Variants in BFSP1 observed in about 807,000 individuals in gnomAD.
The protein encoded by BFSP1 is beaded filament structural protein 1, also known as filensin.
In BFSP1, 38 loss-of-function variants were observed where a neutral mutation model predicts 43.9. The observed-to-expected ratio is 0.87, with a 90% CI of 0.67 to 1.14. The LOEUF (loss-of-function observed/expected upper bound fraction) is 1.14, where lower values mean the gene tolerates loss of function less well. BFSP1 is among the 50% of genes most tolerant of loss of function. The pLI is 0.00. For synonymous variants in BFSP1, 352 were observed against 354.8 expected (o/e 0.99, Z 0.09); for missense variants, 850 against 875.1 (o/e 0.97, Z 0.36).
In BFSP1 at chr20:17,530,986, T is replaced by G. The variant is rs1189777893; in HGVS notation, c.344A>C (p.Glu115Ala). ...GAACTCGTCGAGCGCGCGCTGCGCCTCGGTGCCCTGGCGCTCCAGCCGGGC... is the reference window on the plus strand; with the variant it reads ...GAACTCGTCGAGCGCGCGCTGCGCCGCGGTGCCCTGGCGCTCCAGCCGGGC... Reference protein sequence around the residue: ...ERARLERQGTEAQRALDEFRS... With the variant: ...ERARLERQGTAAQRALDEFRS... The change falls in exon 1 of 8, where the codon GAG becomes GCG. Residue 115 changes from glutamate (E) to alanine (A), a missense_variant. Transcript: ENST00000377873. 3.5e-6 allele frequency: 5 copies of G among 1,439,216 alleles called. No individual in the cohort carries two copies. Among genetic ancestry groups the G allele is most frequent in the Non-Finnish European group, 4.5e-6 (5 of 1,100,174 alleles). The allele number at this position is 1,439,216 out of a possible 1,614,324, so 89.2% of individuals were successfully genotyped here. A position where few individuals can be genotyped will look rare whatever the true frequency, so the allele number is the denominator to read the frequency against.
At position 17,493,984 on chromosome 20, in the gene BFSP1, C is replaced by T. The variant is rs1600623701; in HGVS notation, c.*90G>A. 2 of 1,246,230 alleles carry T rather than the reference C, an allele frequency of 1.6e-6. No individual in the cohort carries two copies. Among genetic ancestry groups the T allele is most frequent in the East Asian group, 4.7e-5 (2 of 42,814 alleles). 77.2% of individuals were successfully genotyped at this position (1,246,230 alleles called of 1,614,324 possible). ...AACTATGGTCTAATCCAAACAGGAA[C>T]CCTCACCCTTTTATCATTTGCTCTA... On this transcript the variant is annotated 3_prime_UTR_variant, in exon 8 of 8. Coordinates refer to ENST00000377873, the MANE Select transcript of BFSP1 (RefSeq NM_001195.5).
At chr20:17,495,873 C>T (rs2033619504) in intron 7 of BFSP1, among the ~76,000 whole-genome samples, 1 of 152,108 alleles carries the variant, frequency 6.6e-6, no homozygotes, top group African/African-American at 2.4e-5. Context: ...GATCAAGCAC[C>T]GGCATCAAGC....
intron 2 of BFSP1, among the ~76,000 whole-genome samples, chr20:17,524,480 G>C (rs974942826): frequency 3.9e-5 from 6 of 152,202 alleles, no homozygotes; most frequent in Non-Finnish European, 5.9e-5. Context: ...CAATAGGACA[G>C]AGGTATCACT....
intron 1 of BFSP1, among the ~76,000 whole-genome samples, chr20:17,552,802 T>C (rs971461752): frequency 7.9e-5 from 12 of 152,036 alleles, no homozygotes; most frequent in African/African-American, 2.9e-4. Context: ...GTGAAGCAGA[T>C]TTGGGGGAAA....
In BFSP1 at chr20:17,531,206, C is replaced by T. The variant is rs1237697875; in HGVS notation, c.124G>A (p.Ala42Thr). ...DEGWAGATSL[A>T]ALQGLGERVA... is the part of the protein sequence containing the mutation. ...CGCTCGCCGAGCCCCTGCAGCGCCGCCAGGCTCGTTGCCCCAGCCCAGCCC... is the reference window on the plus strand; with the variant it reads ...CGCTCGCCGAGCCCCTGCAGCGCCGTCAGGCTCGTTGCCCCAGCCCAGCCC... Residue 42 changes from alanine to threonine, a missense_variant, in exon 1 of 8, where the codon GCG (alanine) becomes ACG (threonine). Transcript: ENST00000377873. 7.6e-7 allele frequency: 1 copy of T among 1,319,670 alleles called. No homozygotes were observed. The highest frequency in any genetic ancestry group is 9.7e-7 in the Non-Finnish European group (1 of 1,035,664). The allele number at this position is 1,319,670 out of a possible 1,614,324, so 81.7% of individuals were successfully genotyped here.
At chr20:17,546,089 C>T (rs2034796535) in intron 1 of BFSP1, among the ~76,000 whole-genome samples, 1 of 152,164 alleles carries the variant, frequency 6.6e-6, no homozygotes, top group South Asian at 2.1e-4. Flanking sequence ...AGTCCATTTT[C>T]GCACTGCTAT....
chr20:17,530,959 C>T lies in BFSP1; in HGVS notation c.371G>A (p.Arg124Gln). Residue 124 changes from arginine (R) to glutamine (Q), a missense_variant, in exon 1 of 8, where the codon CGA becomes CAA. By Grantham distance (43) the Arg-to-Gln change is conservative. Coordinates refer to ENST00000377873, the MANE Select transcript of BFSP1 (RefSeq NM_001195.5). Reference sequence around the variant, plus strand: ...CCCGATGGCCGCCGCTTACTTGCTTCGGAACTCGTCGAGCGCGCGCTGCGC... The same window carrying T: ...CCCGATGGCCGCCGCTTACTTGCTTTGGAACTCGTCGAGCGCGCGCTGCGC... ...TEAQRALDEF[R>Q]SKYENECECQ... 7.0e-7 allele frequency: 1 copy of T among 1,434,980 alleles called. No homozygotes were observed. The highest frequency in any genetic ancestry group is 3.0e-5 in the East Asian group (1 of 32,826). The allele number at this position is 1,434,980 out of a possible 1,614,324, so 88.9% of individuals were successfully genotyped here.
At chr20:17,512,940 CCT>C (rs367775312) in intron 3 of BFSP1, among the ~76,000 whole-genome samples, 1 of 152,192 alleles carries the variant, frequency 6.6e-6, no homozygotes, top group African/African-American at 2.4e-5. Flanking sequence ...CGCCAGTGCC[CCT>C]GTCCCCAGCT....
At chr20:17,569,050 G>C (rs1030334487) in intron 1 of BFSP1, 1 of 152,162 alleles carries the variant, frequency 6.6e-6, no homozygotes, top group Non-Finnish European at 1.5e-5. Context: ...AGAACTGAGC[G>C]GCGGGGCTGG....
intron 4 of BFSP1, among the ~76,000 whole-genome samples, chr20:17,509,404 C>T (rs2034022920): frequency 6.6e-6 from 1 of 152,184 alleles, no homozygotes. Flanking sequence ...TGCCTGTCGG[C>T]CCTCCCATCT....
At chr20:17,538,591 T>C (rs775111390) in intron 1 of BFSP1, among the ~76,000 whole-genome samples, 3 of 152,192 alleles carry the variant, frequency 2.0e-5, no homozygotes, top group Non-Finnish European at 2.9e-5. Context: ...GTTTTACACC[T>C]ACCGAAATGA....
intron 1 of BFSP1, among the ~76,000 whole-genome samples, chr20:17,564,779 G>A (rs2035100943): frequency 6.6e-6 from 1 of 152,010 alleles, no homozygotes; most frequent in Admixed American, 6.6e-5. Flanking sequence ...AGTAGAGACG[G>A]GGTTTCACCA....
upstream of BFSP1, among the ~76,000 whole-genome samples, chr20:17,536,143 G>A (rs2034625450): frequency 6.6e-6 from 1 of 152,140 alleles, no homozygotes; most frequent in African/African-American, 2.4e-5. Context: ...TAACAAACTT[G>A]AAGGGGAAAA....
intron 1 of BFSP1, among the ~76,000 whole-genome samples, chr20:17,553,270 T>C (rs542987295): frequency 1.3e-5 from 2 of 152,270 alleles, no homozygotes; most frequent in Non-Finnish European, 2.9e-5. Context: ...TCCATGGTCA[T>C]ATGAGTAAAA....
chr20:17,497,437 T>C (rs2033660868), intron 6 of BFSP1, among the ~76,000 whole-genome samples: 1 of 86,990 alleles, frequency 1.1e-5, no homozygotes, highest in Non-Finnish European at 2.2e-5. Flanking sequence ...TATATGTATA[T>C]ATACGTGTAT....
chr20:17,543,365 C>T (rs908320901), intron 1 of BFSP1, among the ~76,000 whole-genome samples: 2 of 152,200 alleles, frequency 1.3e-5, no homozygotes, highest in East Asian at 3.8e-4. Flanking sequence ...ATGCCTCACA[C>T]AGCGTCATGA....
Position 17,499,379 on chromosome 20 carries a change from A to G in BFSP1, c.736-339T>C, listed in dbSNP as rs7270461. 0.018 allele frequency among the ~76,000 whole-genome samples: 2,590 copies of G among 146,896 alleles called. 87 individuals carry two copies. The highest frequency in any genetic ancestry group is 0.062 in the African/African-American group (2,458 of 39,748). On this transcript the variant is annotated intron_variant, in intron 5 of 7. Transcript: ENST00000377873. ...CTCAGCCTCCTGAGTAGCTGTGACT[A>G]CAGGCAAGCACCAACATGCTGGGCT... is the stretch of plus-strand genomic sequence containing the variant.
chr20:17,543,975 T>C (rs1225956235), intron 1 of BFSP1, among the ~76,000 whole-genome samples: 1 of 152,248 alleles, frequency 6.6e-6, no homozygotes, highest in East Asian at 1.9e-4. Context: ...TTAACAAATA[T>C]CTGCCTTTAT....
chr20:17,552,093 G>C (rs1005050412), intron 1 of BFSP1, among the ~76,000 whole-genome samples: 10 of 152,164 alleles, frequency 6.6e-5, no homozygotes, highest in Non-Finnish European at 1.3e-4. Flanking sequence ...GTGAAAAATA[G>C]AGTATAATAA....
Sources: allele counts gnomAD v4.1 joint callset (sites outside exome capture counted in the v4.1 genomes callset), GRCh38; gene constraint gnomAD v4.1.1; transcripts MANE v1.5; gene names NCBI Gene and HGNC (gene_info 2026-07-23, HGNC 2026-07-21).